LYVE1: variants seen among roughly 807,000 people sequenced by gnomAD.
The protein encoded by LYVE1 is lymphatic vessel endothelial hyaluronan receptor 1, also known as lymphatic vessel endothelial hyaluronic acid receptor 1.
Under a neutral mutation model 31.5 loss-of-function variants are expected in LYVE1, and 29 were observed. That is an observed-to-expected ratio of 0.92 (90% confidence interval 0.69 to 1.26). LYVE1 has a LOEUF of 1.26. Ranked by LOEUF, LYVE1 falls within the 50% of genes most tolerant of loss-of-function variation. The pLI, the probability that LYVE1 is intolerant of heterozygous loss-of-function variation, is 0.00. For synonymous variants in LYVE1, 134 were observed against 139.4 expected, an observed-to-expected ratio of 0.96 and a Z score of 0.27; for missense variants, 376 against 380.2, an observed-to-expected ratio of 0.99 and a Z score of 0.09.
chr11:10,564,442 C>A, intron 1 of LYVE1, 68 bp from the exon 2 acceptor site: 1 of 1,454,922 alleles, frequency 6.9e-7, no homozygotes, highest in Non-Finnish European at 9.5e-7. Flanking sequence ...ACTCTCCTTC[C>A]CAGCAGAGTA....
intron 1 of LYVE1, among the ~76,000 whole-genome samples, chr11:10,565,270 G>A (rs1850512852): frequency 6.6e-6 from 1 of 152,248 alleles, no homozygotes; most frequent in Admixed American, 6.5e-5. Flanking sequence ...CACAGAAGCT[G>A]AGGCTGTTGA....
chr11:10,560,667 T>C lies in LYVE1; in HGVS notation c.531A>G (p.Thr177=). 6.2e-7 allele frequency: 1 copy of C among 1,614,110 alleles called. No individual in the cohort carries two copies. Among genetic ancestry groups the C allele is most frequent in the Non-Finnish European group, 8.5e-7 (1 of 1,179,980 alleles). The change falls in exon 4 of 6, where the codon ACA becomes ACG. Residue 177 remains threonine (T), a synonymous_variant. Transcript: ENST00000256178. ...STYSVASPYS[T]IPAPTTTPPA... ...GAGGAGTAGTAGTAGGGGCAGGTAT[T>C]GTAGAGTAAGGGGATGCCACCGAGT...
At chr11:10,564,435 C>G (rs1850495223) in intron 1 of LYVE1, 61 bp from the exon 2 acceptor site, 1 of 1,512,128 alleles carries the variant, frequency 6.6e-7, no homozygotes, top group Non-Finnish European at 9.1e-7. Flanking sequence ...CCCTTAGACT[C>G]TCCTTCCCAG....
rs1850400358 is a variant in LYVE1, at chr11:10,560,522, A to G, written c.676T>C (p.Phe226Leu). Residue 226 changes from phenylalanine (F) to leucine (L), a missense_variant, in exon 4 of 6, where the codon TTC (phenylalanine) becomes CTC (leucine). Coordinates refer to ENST00000256178, the MANE Select transcript of LYVE1 (RefSeq NM_006691.4). ...CCAAACCCAGCAGCTTCATTCTTGAATGCTGCTTTATTTTCAACAAATGGT... is the reference window on the plus strand; with the variant it reads ...CCAAACCCAGCAGCTTCATTCTTGAGTGCTGCTTTATTTTCAACAAATGGT... ...TEPFVENKAA[F>L]KNEAAGFGGV... 1 of 1,611,058 alleles carries G rather than the reference A, an allele frequency of 6.2e-7. No homozygotes were observed. The highest frequency in any genetic ancestry group is 1.7e-5 in the Admixed American group (1 of 59,710).
rs186663594 is a variant in LYVE1 at position 10,567,231 on chromosome 11, C to T, written c.85+1217G>A. Among the ~76,000 whole-genome samples the T allele has an allele frequency of 3.7e-3, 570 of 152,290 alleles. 3 individuals carry two copies. Among genetic ancestry groups the T allele is most frequent in the Non-Finnish European group, 6.5e-3 (440 of 68,030 alleles). ...TTGGCCCTCAAATATAGTTCCCACC[C>T]CTATTCACTTACCTTCATCAACTAC... is the stretch of plus-strand genomic sequence containing the variant. On this transcript the variant is annotated intron_variant, in intron 1 of 5. Transcript: ENST00000256178.
At chr11:10,566,046 G>T (rs1191561007) in intron 1 of LYVE1, among the ~76,000 whole-genome samples, 1 of 152,092 alleles carries the variant, frequency 6.6e-6, no homozygotes, top group African/African-American at 2.4e-5. Flanking sequence ...CCGACCTCAG[G>T]TGATCCACCC....
Position 10,558,920 on chromosome 11 carries a change from T to G in LYVE1, c.*191A>C. The G allele has an allele frequency of 1.8e-6, 1 of 549,384 alleles. No homozygotes were observed. The highest frequency in any genetic ancestry group is 3.2e-6 in the Non-Finnish European group (1 of 311,510). 34.0% of individuals were successfully genotyped at this position (549,384 alleles called of 1,614,324 possible). A position where few individuals can be genotyped will look rare whatever the true frequency, so the allele number is the denominator to read the frequency against. ...GTAGGAGGATAGGATCCAGACAGGGTTACAATAAGGAGAAGGGCATTCTCT... is the reference window on the plus strand; with the variant it reads ...GTAGGAGGATAGGATCCAGACAGGGGTACAATAAGGAGAAGGGCATTCTCT... On this transcript the variant is annotated 3_prime_UTR_variant, in exon 6 of 6. Transcript: ENST00000256178.
In LYVE1 at chr11:10,562,938, C is replaced by G. The variant is rs886179783; in HGVS notation, c.397+1002G>C. ...GACAAATGTGTTTACATCCTTTGAA[C>G]TCGGTTTCTTTTTTTTTTTTTTTTT... On this transcript the variant is annotated intron_variant, in intron 3 of 5. Transcript: ENST00000256178. Among the ~76,000 whole-genome samples the G allele has an allele frequency of 3.2e-4, 47 of 145,552 alleles. 1 individual carries two copies. Among genetic ancestry groups the G allele is most frequent in the Non-Finnish European group, 9.0e-5 (6 of 66,778 alleles).
chr11:10,566,283 T>C (rs1296964627), intron 1 of LYVE1, among the ~76,000 whole-genome samples: 3 of 151,804 alleles, frequency 2.0e-5, no homozygotes, highest in African/African-American at 7.3e-5. Context: ...CTAATTTTTG[T>C]ATTTTTTGTA....
intron 3 of LYVE1, among the ~76,000 whole-genome samples, chr11:10,562,796 C>T (rs1430995549): frequency 6.6e-6 from 1 of 152,114 alleles, no homozygotes; most frequent in African/African-American, 2.4e-5. Flanking sequence ...CAATCTTTTC[C>T]TTCATAAAGT....
intron 1 of LYVE1, among the ~76,000 whole-genome samples, chr11:10,566,538 C>A (rs1850547379): frequency 6.6e-6 from 1 of 152,184 alleles, no homozygotes; most frequent in South Asian, 2.1e-4. Flanking sequence ...AAATTTGGCT[C>A]TTTTAGCTCA....
intron 1 of LYVE1, among the ~76,000 whole-genome samples, chr11:10,566,902 C>T (rs1273957250): frequency 2.0e-5 from 3 of 152,108 alleles, no homozygotes; most frequent in Non-Finnish European, 4.4e-5. Context: ...TTTATGCTTT[C>T]CTATTTCATT....
intron 3 of LYVE1, among the ~76,000 whole-genome samples, chr11:10,563,278 G>A (rs1850469292): frequency 6.6e-6 from 1 of 152,014 alleles, no homozygotes; most frequent in African/African-American, 2.4e-5. Flanking sequence ...TGCAAAGTGG[G>A]GATGATAAAG....
intron 1 of LYVE1, among the ~76,000 whole-genome samples, chr11:10,565,027 G>A (rs959292718): frequency 2.0e-5 from 3 of 152,172 alleles, no homozygotes; most frequent in Non-Finnish European, 2.9e-5. Context: ...CTAGCTCTGT[G>A]ACCTTAGCCT....
chr11:10,561,043 C>T (rs1389478035), intron 3 of LYVE1, among the ~76,000 whole-genome samples: 2 of 152,214 alleles, frequency 1.3e-5, no homozygotes, highest in Non-Finnish European at 2.9e-5. Context: ...CTTTTTCTCT[C>T]ATTGCCCCTG....
At chr11:10,564,500 A>G in intron 1 of LYVE1, 126 bp from the exon 2 acceptor site, 1 of 785,066 alleles carries the variant, frequency 1.3e-6, no homozygotes, top group Non-Finnish European at 2.0e-6. Context: ...ACTGGGGTTT[A>G]GAATAACAGG....
At chr11:10,563,402 C>T (rs867717321) in intron 3 of LYVE1, among the ~76,000 whole-genome samples, 4 of 152,070 alleles carry the variant, frequency 2.6e-5, no homozygotes, top group African/African-American at 4.8e-5. Context: ...GCAAATAATA[C>T]AGTACAATGA....
intron 5 of LYVE1, 70 bp from the exon 6 acceptor site, chr11:10,559,367 T>G: frequency 9.4e-6 from 11 of 1,167,272 alleles, no homozygotes; most frequent in Non-Finnish European, 1.4e-5. Context: ...TTTTTGGCCA[T>G]GGTACATATT....
chr11:10,562,946 C>CTTTTTTTTTTTTTT (rs71034774), intron 3 of LYVE1, among the ~76,000 whole-genome samples: 1 of 79,456 alleles, frequency 1.3e-5, no homozygotes, highest in Non-Finnish European at 2.3e-5. Flanking sequence ...AACTCGGTTT[C>CTTTTTTTTTTTTTT]TTTTTTTTTT....
Sources: gnomAD v4.1 joint callset for allele counts (sites outside exome capture counted in the v4.1 genomes callset) on GRCh38, gnomAD v4.1.1 for gene constraint, MANE v1.5 for transcripts, NCBI Gene and HGNC (gene_info 2026-07-23, HGNC 2026-07-21) for gene names.